The following SEMA3A variants were observed in gnomAD, a reference collection of about 807,000 sequenced individuals.
SEMA3A encodes the protein semaphorin 3A.
In SEMA3A, 29 loss-of-function variants were observed where a neutral mutation model predicts 97.9. That is an observed-to-expected ratio of 0.30 (90% CI 0.22 to 0.40). The LOEUF is 0.40. Among genes scored for constraint, SEMA3A ranks in the 10% least tolerant of loss-of-function variants. SEMA3A has a pLI of 1.00. For missense variants in SEMA3A, 763 were observed against 951.3 expected (o/e 0.80, Z 2.60); for synonymous variants, 321 against 323.7 (o/e 0.99, Z 0.09).
chr7:84,320,699 T>A (rs2115906882), intron 2 of SEMA3A, among the ~76,000 whole-genome samples: 1 of 152,078 alleles, frequency 6.6e-6, no homozygotes, highest in South Asian at 2.1e-4. Flanking sequence ...AGTAAAAATA[T>A]AAACTATGTA....
chr7:84,484,072 A>G (rs1806513346), intron 1 of SEMA3A, among the ~76,000 whole-genome samples: 1 of 151,984 alleles, frequency 6.6e-6, no homozygotes, highest in Non-Finnish European at 1.5e-5. Context: ...AAAAAGAAAA[A>G]ATCTGGGTTT....
chr7:84,320,651 TA>T (rs1215289055), intron 2 of SEMA3A, among the ~76,000 whole-genome samples: 2 of 74,898 alleles, frequency 2.7e-5, no homozygotes, highest in African/African-American at 1.1e-4. Context: ...ACTTGAGAAA[TA>T]AATTATTTTT....
At chr7:83,994,630 G>A (rs6962555) in intron 12 of SEMA3A, among the ~76,000 whole-genome samples, 4 of 141,982 alleles carry the variant, frequency 2.8e-5, no homozygotes, top group Non-Finnish European at 4.6e-5. Flanking sequence ...GGCTGCTCCG[G>A]GATCAGGGGT....
chr7:83,962,847 A>G (rs1788524404), intron 16 of SEMA3A, among the ~76,000 whole-genome samples: 1 of 152,194 alleles, frequency 6.6e-6, no homozygotes, highest in African/African-American at 2.4e-5. Flanking sequence ...TGATAATATA[A>G]TTAATTGAAC....
chr7:84,049,404 G>A (rs1245777213), intron 5 of SEMA3A, among the ~76,000 whole-genome samples: 1 of 151,966 alleles, frequency 6.6e-6, no homozygotes, highest in Non-Finnish European at 1.5e-5. Flanking sequence ...TCTAGATAAG[G>A]TATGACATCT....
intron 4 of SEMA3A, among the ~76,000 whole-genome samples, chr7:84,062,544 A>G (rs948008626): frequency 1.6e-4 from 25 of 152,166 alleles, no homozygotes; most frequent in African/African-American, 5.3e-4. Flanking sequence ...GACAGTGGGC[A>G]TAGGTCAGTG....
intron 5 of SEMA3A, 134 bp from the exon 6 acceptor site, chr7:84,046,577 T>G: frequency 1.1e-6 from 1 of 904,854 alleles, no homozygotes; most frequent in Non-Finnish European, 1.7e-6. Context: ...TCTGCATCAT[T>G]ATGCAGTTAC....
intron 1 of SEMA3A, among the ~76,000 whole-genome samples, chr7:84,138,077 C>T (rs1796197682): frequency 6.6e-6 from 1 of 152,064 alleles, no homozygotes; most frequent in Admixed American, 6.6e-5. Flanking sequence ...TATAAAAATA[C>T]TAGAACAAGC....
chr7:83,990,615 G>T (rs1789872504), intron 12 of SEMA3A, among the ~76,000 whole-genome samples: 1 of 146,374 alleles, frequency 6.8e-6, no homozygotes, highest in Non-Finnish European at 1.5e-5. Flanking sequence ...GTTTGTCAAA[G>T]ATCAGATAGT....
intron 2 of SEMA3A, among the ~76,000 whole-genome samples, chr7:84,337,489 G>T (rs951763640): frequency 3.9e-5 from 6 of 152,074 alleles, no homozygotes; most frequent in Non-Finnish European, 7.4e-5. Flanking sequence ...ATCCATCATT[G>T]CATTCATCTG....
chr7:84,114,121 C>A (rs1795353692), intron 3 of SEMA3A, among the ~76,000 whole-genome samples: 1 of 152,144 alleles, frequency 6.6e-6, no homozygotes, highest in African/African-American at 2.4e-5. Context: ...GTCCATCCAT[C>A]TGTCAAAACA....
chr7:84,440,935 G>A (rs912064402), intron 1 of SEMA3A, among the ~76,000 whole-genome samples: 1 of 152,158 alleles, frequency 6.6e-6, no homozygotes, highest in African/African-American at 2.4e-5. Flanking sequence ...GAGGTGGGCA[G>A]ATCACCTGAG....
intron 1 of SEMA3A, among the ~76,000 whole-genome samples, chr7:84,411,158 A>T (rs567079406): frequency 1.3e-5 from 2 of 152,232 alleles, no homozygotes; most frequent in Admixed American, 6.6e-5. Context: ...AGAGGTAGAG[A>T]GATAGCATTC....
At chr7:84,113,896 T>G (rs1399828630) in intron 3 of SEMA3A, among the ~76,000 whole-genome samples, 2 of 152,088 alleles carry the variant, frequency 1.3e-5, no homozygotes, top group African/African-American at 4.8e-5. Context: ...CACTTACCCT[T>G]ATTTTTTTAA....
chr7:84,082,042 A>G (rs1250298535), intron 4 of SEMA3A, among the ~76,000 whole-genome samples: 1 of 152,218 alleles, frequency 6.6e-6, no homozygotes, highest in South Asian at 2.1e-4. Flanking sequence ...TTTATTTTTT[A>G]TAACACTACA....
At chr7:83,988,308 G>T (rs913169504) in intron 12 of SEMA3A, among the ~76,000 whole-genome samples, 1 of 151,908 alleles carries the variant, frequency 6.6e-6, no homozygotes, top group African/African-American at 2.4e-5. Flanking sequence ...CTCGCTGCTA[G>T]CTCTGCCCCT....
At chr7:84,336,549 A>C (rs896239768) in intron 2 of SEMA3A, among the ~76,000 whole-genome samples, 1 of 152,160 alleles carries the variant, frequency 6.6e-6, no homozygotes, top group Non-Finnish European at 1.5e-5. Flanking sequence ...CAAGAATGAA[A>C]ACATGAACTG....
intron 1 of SEMA3A, among the ~76,000 whole-genome samples, chr7:84,150,360 T>A (rs549690750): frequency 2.7e-4 from 41 of 152,198 alleles, no homozygotes; most frequent in South Asian, 1.0e-3. Context: ...TGCCAGACAG[T>A]GGGCGCAGGT....
At chr7:84,055,711 A>G (rs893836640) in intron 5 of SEMA3A, among the ~76,000 whole-genome samples, 2 of 152,130 alleles carry the variant, frequency 1.3e-5, no homozygotes, top group Non-Finnish European at 2.9e-5. Flanking sequence ...GTTCCTATTC[A>G]GCCATCTTGG....
Sources: gnomAD v4.1 joint callset for allele counts (sites outside exome capture counted in the v4.1 genomes callset) on GRCh38, gnomAD v4.1.1 for gene constraint, MANE v1.5 for transcripts, NCBI Gene and HGNC (gene_info 2026-07-23, HGNC 2026-07-21) for gene names.